The following KNL1 variants were observed in gnomAD, a reference collection of about 807,000 sequenced individuals.
The protein encoded by KNL1 is outer kinetochore KNL1 complex subunit KNL1.
Under a neutral mutation model 201.3 loss-of-function variants are expected in KNL1, and 66 were observed. The ratio of observed to expected loss-of-function variants is 0.33; its 90% CI spans 0.27 to 0.40. The LOEUF (loss-of-function observed/expected upper bound fraction) is 0.40, where lower values mean the gene tolerates loss of function less well. KNL1 is among the 10% of genes least tolerant of loss of function. The pLI is 1.00. For synonymous variants in KNL1, 895 were observed against 899.2 expected (o/e 1.00, Z 0.08); for missense variants, 2,815 against 2,690.5 (o/e 1.05, Z -1.02).
intron 13 of KNL1, among the ~76,000 whole-genome samples, chr15:40,632,209 G>GGC (rs762813856): frequency 8.6e-6 from 1 of 115,852 alleles, no homozygotes; most frequent in Non-Finnish European, 1.9e-5. Context: ...AACATAGCGA[G>GGC]ACCCCCCCCC....
At chr15:40,602,421 C>A (rs976719216) in intron 1 of KNL1, among the ~76,000 whole-genome samples, 7 of 151,332 alleles carry the variant, frequency 4.6e-5, no homozygotes, top group African/African-American at 1.7e-4. Context: ...CAGGCATGAG[C>A]CACCGCGCCC....
chr15:40,652,408 A>G (rs1450546479), intron 21 of KNL1, among the ~76,000 whole-genome samples: 1 of 150,764 alleles, frequency 6.6e-6, no homozygotes, highest in Non-Finnish European at 1.5e-5. Context: ...TTTCATCTCC[A>G]TCTTTCGTGA....
At chr15:40,632,309 G>C (rs1892934121) in intron 13 of KNL1, among the ~76,000 whole-genome samples, 1 of 150,902 alleles carries the variant, frequency 6.6e-6, no homozygotes, top group African/African-American at 2.4e-5. Context: ...TAGATTAAAA[G>C]AGACTAAAAT....
At chr15:40,597,381 A>G (rs933872932) in intron 1 of KNL1, among the ~76,000 whole-genome samples, 2 of 152,148 alleles carry the variant, frequency 1.3e-5, no homozygotes, top group African/African-American at 4.8e-5. Flanking sequence ...CAGCCTCCCA[A>G]GTACCTGGGA....
intron 1 of KNL1, among the ~76,000 whole-genome samples, chr15:40,600,586 C>T (rs764616232): frequency 1.3e-5 from 2 of 152,134 alleles, no homozygotes; most frequent in Admixed American, 6.6e-5. Flanking sequence ...GCAGGTGGAT[C>T]GAAGCACATC....
chr15:40,663,862 G>A lies in KNL1; in HGVS notation c.*1674G>A, dbSNP rs12439109. 0.016 allele frequency: 3,032 copies of A among 193,814 alleles called. 328 individuals carry two copies. In the Admixed American group the frequency reaches 0.16, roughly 10 times the overall value. 12.0% of individuals were successfully genotyped at this position (193,814 alleles called of 1,614,324 possible). A position where few individuals can be genotyped will look rare whatever the true frequency, so the allele number is the denominator to read the frequency against. Reference sequence around the variant, plus strand: ...TATTTTTGGATCAGGTTAAAGTCCTGTGGATCCCCTGAATGTTATTGTCCC... The same window carrying A: ...TATTTTTGGATCAGGTTAAAGTCCTATGGATCCCCTGAATGTTATTGTCCC... On this transcript the variant is annotated 3_prime_UTR_variant, in exon 26 of 26. Transcript: ENST00000399668.
chr15:40,648,970 C>T (rs567622282), intron 17 of KNL1, among the ~76,000 whole-genome samples: 1 of 151,194 alleles, frequency 6.6e-6, no homozygotes, highest in African/African-American at 2.4e-5. Flanking sequence ...GCTGGGATTA[C>T]AGGCATGCAC....
intron 1 of KNL1, among the ~76,000 whole-genome samples, chr15:40,596,751 A>G (rs1477502295): frequency 6.6e-6 from 1 of 151,914 alleles, no homozygotes; most frequent in Non-Finnish European, 1.5e-5. Context: ...CTGTAATCCC[A>G]GCACTTTGGG....
chr15:40,610,135 G>A, intron 5 of KNL1, 110 bp from the exon 6 acceptor site: 1 of 622,014 alleles, frequency 1.6e-6, no homozygotes, highest in South Asian at 2.2e-5. Context: ...CAAAGAGGAA[G>A]CTAAAATCAA....
intron 13 of KNL1, among the ~76,000 whole-genome samples, chr15:40,638,965 C>T (rs1893141161): frequency 6.6e-6 from 1 of 150,988 alleles, no homozygotes; most frequent in Admixed American, 6.6e-5. Context: ...GCATGCGCCA[C>T]CACACCCGGC....
intron 25 of KNL1, among the ~76,000 whole-genome samples, chr15:40,659,890 ATTT>A (rs1166381731): frequency 1.1e-4 from 6 of 56,688 alleles, no homozygotes; most frequent in Non-Finnish European, 4.7e-5. Flanking sequence ...ATTTTGAAGA[ATTT>A]ATGTGTGTGT....
At chr15:40,655,227 G>C (rs1893689205) in intron 22 of KNL1, among the ~76,000 whole-genome samples, 1 of 152,156 alleles carries the variant, frequency 6.6e-6, no homozygotes, top group African/African-American at 2.4e-5. Flanking sequence ...GAACCTGGGA[G>C]GTGGAGGTTG....
At chr15:40,620,172 G>A (rs1892469268) in intron 9 of KNL1, among the ~76,000 whole-genome samples, 1 of 151,844 alleles carries the variant, frequency 6.6e-6, no homozygotes, top group African/African-American at 2.4e-5. Context: ...GCCTTCCAAA[G>A]TGCTTGGATT....
rs1468470893 is a variant in KNL1, at chr15:40,662,411, C to A, written c.*223C>A. The A allele has an allele frequency of 2.3e-6, 1 of 434,976 alleles. No homozygotes were observed. The allele number at this position is 434,976 out of a possible 1,614,324, so 26.9% of individuals were successfully genotyped here. On this transcript the variant is annotated 3_prime_UTR_variant, in exon 26 of 26. Coordinates refer to ENST00000399668, the MANE Select transcript of KNL1 (RefSeq NM_144508.5). ...ACTATCAACTTACTCATCTTTGTAC[C>A]AAAGGTTTAAGTAATAGGACACTTA...
At chr15:40,620,034 T>A (rs1892464313) in intron 9 of KNL1, among the ~76,000 whole-genome samples, 1 of 152,128 alleles carries the variant, frequency 6.6e-6, no homozygotes, top group South Asian at 2.1e-4. Context: ...ACTCGAGCAG[T>A]CCTCCCACCT....
chr15:40,614,015 G>A (rs1456868129), intron 7 of KNL1, among the ~76,000 whole-genome samples: 1 of 151,068 alleles, frequency 6.6e-6, no homozygotes, highest in Non-Finnish European at 1.5e-5. Flanking sequence ...AGCCAGGATG[G>A]TCTCAATTTC....
rs145423566 is a variant in KNL1, at chr15:40,638,784, C to T, written c.5683-2128C>T. On this transcript the variant is annotated intron_variant, in intron 13 of 25. Transcript: ENST00000399668. ...TTGGGATTACAGGCGTGAGCCACCG[C>T]GCTGGCTGCCATTTCTTTTTTTTCT... Among the ~76,000 whole-genome samples, 82 of 151,612 alleles carry T rather than the reference C, an allele frequency of 5.4e-4. No homozygotes were observed. The East Asian group carries it at 0.015, about 27-fold the overall frequency.
At position 40,629,330 on chromosome 15, in the gene KNL1, A is replaced by G; in HGVS notation, c.5641A>G (p.Ile1881Val). The change falls in exon 13 of 26, where the codon ATC (isoleucine) becomes GTC (valine). Residue 1881 changes from isoleucine (I) to valine (V), a missense_variant. By Grantham distance (29) the Ile-to-Val change is conservative (BLOSUM62 3). This residue lies in a region of KNL1 where 2,464 missense variants were observed against 2,291.7 expected (regional missense o/e 1.08). Transcript: ENST00000399668. ...REFFILLQVH[I>V]LIQKPRQSNL... ...GTTCTTTATACTTCTCCAGGTCCAC[A>G]TCTTGATACAGAAACCCCGACAGAG... The G allele has an allele frequency of 2.5e-6, 4 of 1,606,160 alleles. No homozygotes were observed. Among genetic ancestry groups the G allele is most frequent in the Non-Finnish European group, 3.4e-6 (4 of 1,178,404 alleles).
chr15:40,603,596 C>G (rs1032459390), intron 2 of KNL1, among the ~76,000 whole-genome samples: 1 of 152,216 alleles, frequency 6.6e-6, no homozygotes, highest in Non-Finnish European at 1.5e-5. Flanking sequence ...CCCGCCCCCC[C>G]ATCTCTACAA....
Sources: allele counts gnomAD v4.1 joint callset (sites outside exome capture counted in the v4.1 genomes callset), GRCh38; gene constraint gnomAD v4.1.1; regional missense constraint gnomAD v4.1.1; transcripts MANE v1.5; gene names NCBI Gene and HGNC (gene_info 2026-07-23, HGNC 2026-07-21).